KIF16B: variants seen among roughly 807,000 people sequenced by gnomAD.
KIF16B encodes the protein kinesin-like protein KIF16B.
Under a neutral mutation model 156.3 loss-of-function variants are expected in KIF16B, and 98 were observed. That is an observed-to-expected ratio of 0.63 (90% CI 0.53 to 0.74). KIF16B has a LOEUF of 0.74. Ranked by LOEUF, KIF16B falls within the 30% of genes least tolerant of loss-of-function variation. KIF16B has a pLI of 0.00. For synonymous variants in KIF16B, 564 were observed against 583.7 expected (o/e 0.97, Z 0.49); for missense variants, 1,421 against 1,606.5 (o/e 0.88, Z 1.97).
intron 25 of KIF16B, among the ~76,000 whole-genome samples, chr20:16,291,603 T>C (rs2063316046): frequency 6.6e-6 from 1 of 152,228 alleles, no homozygotes; most frequent in Non-Finnish European, 1.5e-5. Context: ...TCTCGTCATC[T>C]AGGGGATCCT....
chr20:16,276,250 AG>A (rs2063059677), intron 25 of KIF16B, among the ~76,000 whole-genome samples: 1 of 152,238 alleles, frequency 6.6e-6, no homozygotes, highest in Non-Finnish European at 1.5e-5. Context: ...GGGCCAATAA[AG>A]CCTAAAGGGT....
intron 12 of KIF16B, among the ~76,000 whole-genome samples, chr20:16,431,651 C>T (rs1265903433): frequency 2.0e-5 from 3 of 151,988 alleles, no homozygotes; most frequent in Admixed American, 2.0e-4. Context: ...CTTGCCTCTA[C>T]CCAATAGATG....
At chr20:16,410,804 A>T (rs922012742) in intron 15 of KIF16B, among the ~76,000 whole-genome samples, 4 of 151,832 alleles carry the variant, frequency 2.6e-5, no homozygotes, top group African/African-American at 9.7e-5. Flanking sequence ...GAAAACAGGG[A>T]GGATGCAAGC....
chr20:16,416,746 A>G (rs1170574430), intron 15 of KIF16B, among the ~76,000 whole-genome samples: 1 of 151,488 alleles, frequency 6.6e-6, no homozygotes, highest in Non-Finnish European at 1.5e-5. Context: ...AAAACAGAGT[A>G]GCAGGTGGAT....
chr20:16,543,340 C>CTATG (rs1385062668), intron 1 of KIF16B, among the ~76,000 whole-genome samples: 1 of 152,222 alleles, frequency 6.6e-6, no homozygotes, highest in Non-Finnish European at 1.5e-5. Context: ...CCAGAACAGA[C>CTATG]TATGCCTTTA....
intron 1 of KIF16B, among the ~76,000 whole-genome samples, chr20:16,553,578 C>T (rs2070741132): frequency 6.6e-6 from 1 of 152,250 alleles, no homozygotes; most frequent in African/African-American, 2.4e-5. Flanking sequence ...TCCCCCAAAA[C>T]ACCTTGCTTG....
chr20:16,313,509 C>T (rs145620905), intron 24 of KIF16B, among the ~76,000 whole-genome samples: 58 of 152,340 alleles, frequency 3.8e-4, no homozygotes, highest in Middle Eastern at 3.4e-3. Context: ...TCTGCACACA[C>T]TGTGTAACCA....
intron 1 of KIF16B, among the ~76,000 whole-genome samples, chr20:16,568,018 T>C (rs1472272604): frequency 6.6e-6 from 1 of 152,238 alleles, no homozygotes; most frequent in Non-Finnish European, 1.5e-5. Context: ...CCGTCCTTAA[T>C]ACAAGACATG....
intron 13 of KIF16B, among the ~76,000 whole-genome samples, chr20:16,429,244 T>C (rs553948045): frequency 6.6e-6 from 1 of 152,326 alleles, no homozygotes; most frequent in South Asian, 2.1e-4. Context: ...ACTTTGCTCA[T>C]GACAGGAATA....
chr20:16,406,578 A>G, intron 15 of KIF16B, 122 bp from the exon 16 acceptor site: 1 of 880,924 alleles, frequency 1.1e-6, no homozygotes, highest in African/African-American at 1.7e-5. Flanking sequence ...AATAAGGGAA[A>G]GCTTTAGTCT....
chr20:16,397,995 T>C (rs1453437961), intron 17 of KIF16B, among the ~76,000 whole-genome samples: 1 of 152,236 alleles, frequency 6.6e-6, no homozygotes, highest in Non-Finnish European at 1.5e-5. Context: ...GCATAGTGCC[T>C]GCCCTCAAGA....
intron 12 of KIF16B, among the ~76,000 whole-genome samples, chr20:16,441,272 C>T (rs1355096382): frequency 6.6e-6 from 1 of 152,170 alleles, no homozygotes; most frequent in African/African-American, 2.4e-5. Context: ...TCTTGTTTCT[C>T]ACCCACGGAA....
At chr20:16,438,803 G>T (rs529035699) in intron 12 of KIF16B, among the ~76,000 whole-genome samples, 1 of 152,088 alleles carries the variant, frequency 6.6e-6, no homozygotes, top group African/African-American at 2.4e-5. Context: ...AGAGAGTGAC[G>T]ACGTGAATAA....
At chr20:16,401,205 G>T (rs902568619) in intron 17 of KIF16B, among the ~76,000 whole-genome samples, 1 of 152,182 alleles carries the variant, frequency 6.6e-6, no homozygotes, top group African/African-American at 2.4e-5. Context: ...TAATGGTAGC[G>T]TCAGATGCAT....
At chr20:16,354,728 G>A (rs879469812) in intron 23 of KIF16B, among the ~76,000 whole-genome samples, 4 of 152,146 alleles carry the variant, frequency 2.6e-5, no homozygotes, top group Non-Finnish European at 5.9e-5. Context: ...GGTGGATCAC[G>A]AGCTCAGGAG....
intron 22 of KIF16B, among the ~76,000 whole-genome samples, chr20:16,364,302 A>G (rs991460432): frequency 7.9e-5 from 12 of 152,240 alleles, no homozygotes; most frequent in Admixed American, 3.3e-4. Flanking sequence ...TCACTATTTC[A>G]AAAGTATTCA....
At chr20:16,430,913 G>A (rs1206202516) in intron 12 of KIF16B, among the ~76,000 whole-genome samples, 1 of 150,840 alleles carries the variant, frequency 6.6e-6, no homozygotes. Flanking sequence ...CAAACAGGCA[G>A]CACAAATTTA....
At chr20:16,276,864 T>A (rs924942412) in intron 25 of KIF16B, among the ~76,000 whole-genome samples, 6 of 152,246 alleles carry the variant, frequency 3.9e-5, no homozygotes, top group African/African-American at 1.2e-4. Flanking sequence ...TTTAATTAGT[T>A]ATCTTTTTTT....
chr20:16,531,336 T>C (rs2069739125), intron 1 of KIF16B, among the ~76,000 whole-genome samples: 2 of 152,146 alleles, frequency 1.3e-5, no homozygotes, highest in Admixed American at 1.3e-4. Flanking sequence ...ACCAAACAAC[T>C]GTGAAAGAAA....
Sources: gnomAD v4.1 joint callset for allele counts (sites outside exome capture counted in the v4.1 genomes callset) on GRCh38, gnomAD v4.1.1 for gene constraint, MANE v1.5 for transcripts, NCBI Gene and HGNC (gene_info 2026-07-23, HGNC 2026-07-21) for gene names.